The following NAV2 variants were observed in gnomAD, a reference collection of about 807,000 sequenced individuals.
The protein encoded by NAV2 is helicase, APC down-regulated 1.
In NAV2, 54 loss-of-function variants were observed where a neutral mutation model predicts 223.2. The ratio of observed to expected loss-of-function variants is 0.24; its 90% CI spans 0.19 to 0.30. The LOEUF is 0.30. NAV2 is among the 10% of genes least tolerant of loss of function. The probability of loss-of-function intolerance (pLI) is 1.00; values close to 1 mark genes in which losing one functional copy is unlikely to be tolerated. For missense variants in NAV2, 2,806 were observed against 3,147.5 expected (o/e 0.89, Z 2.60); for synonymous variants, 1,279 against 1,239.3 (o/e 1.03, Z -0.67).
At chr11:20,042,744 C>T (rs953060332) in intron 12 of NAV2, among the ~76,000 whole-genome samples, 19 of 152,058 alleles carry the variant, frequency 1.2e-4, no homozygotes, top group African/African-American at 3.4e-4. Context: ...TGCCTACTCT[C>T]GGTAGTTAAG....
chr11:20,071,804 G>A (rs1261640425), intron 22 of NAV2, among the ~76,000 whole-genome samples: 1 of 152,086 alleles, frequency 6.6e-6, no homozygotes, highest in Non-Finnish European at 1.5e-5. Context: ...TTGTAAATTT[G>A]TTTAAGTTCT....
intron 1 of NAV2, among the ~76,000 whole-genome samples, chr11:19,449,723 G>A (rs1462402666): frequency 6.6e-6 from 1 of 152,130 alleles, no homozygotes; most frequent in Non-Finnish European, 1.5e-5. Flanking sequence ...TGTGCCCCTT[G>A]AGGGCAGGGC....
In NAV2 at chr11:19,560,108, T is replaced by C. The variant is rs567715037; in HGVS notation, c.75+209081T>C. ...TTATGACTTTCTAATTAGCTTTTTG[T>C]TGAAGCTGTTTTTCATTGCTTTGCT... On this transcript the variant is annotated intron_variant, in intron 1 of 37. Coordinates refer to the NAV2 transcript ENST00000360655. Among the ~76,000 whole-genome samples, 3 of 152,352 alleles carry C rather than the reference T, an allele frequency of 2.0e-5. No individual in the cohort carries two copies. In the South Asian group the frequency reaches 6.2e-4, roughly 32 times the overall value.
intron 29 of NAV2, among the ~76,000 whole-genome samples, chr11:20,094,647 T>C (rs2061115599): frequency 6.6e-6 from 1 of 152,172 alleles, no homozygotes; most frequent in South Asian, 2.1e-4. Flanking sequence ...CCTTCAAAAG[T>C]TATATTATTC....
At chr11:19,994,893 A>G (rs552310183) in intron 11 of NAV2, among the ~76,000 whole-genome samples, 4 of 152,312 alleles carry the variant, frequency 2.6e-5, no homozygotes, top group African/African-American at 9.6e-5. Context: ...CATTTTGCCA[A>G]TGAGGAAATT....
chr11:19,413,484 A>C (rs1052065973), intron 1 of NAV2, among the ~76,000 whole-genome samples: 5 of 152,206 alleles, frequency 3.3e-5, no homozygotes, highest in Non-Finnish European at 5.9e-5. Context: ...GAATGAAACC[A>C]AGTTGGTAAA....
chr11:19,513,764 C>T lies in NAV2; in HGVS notation c.75+162737C>T, dbSNP rs188516107. Among the ~76,000 whole-genome samples the T allele has an allele frequency of 2.6e-5, 4 of 152,292 alleles. No homozygotes were observed. In the East Asian group the frequency reaches 7.7e-4, roughly 29 times the overall value. On this transcript the variant is annotated intron_variant, in intron 1 of 37. Transcript: ENST00000360655. ...AGTTAAAATGAGGTTATTGGAGTGG[C>T]GTGAGCCCTTAATCCAATATGACTG... is the stretch of plus-strand genomic sequence containing the variant.
At chr11:19,942,891 G>A (rs1039792106) in intron 8 of NAV2, among the ~76,000 whole-genome samples, 1 of 152,196 alleles carries the variant, frequency 6.6e-6, no homozygotes, top group Non-Finnish European at 1.5e-5. Flanking sequence ...GCTGAGGTGG[G>A]AGGATCTCCT....
intron 2 of NAV2, among the ~76,000 whole-genome samples, chr11:19,838,400 G>C (rs1249872821): frequency 6.6e-6 from 1 of 152,146 alleles, no homozygotes; most frequent in Non-Finnish European, 1.5e-5. Flanking sequence ...ATTAAAGTGA[G>C]ACAGGCAAAG....
chr11:19,598,816 T>A (rs1211595610), intron 1 of NAV2, among the ~76,000 whole-genome samples: 1 of 152,194 alleles, frequency 6.6e-6, no homozygotes, highest in East Asian at 1.9e-4. Flanking sequence ...AATGGGATGC[T>A]TCACAATGCA....
chr11:20,002,011 A>G (rs1235795225), intron 11 of NAV2, among the ~76,000 whole-genome samples: 3 of 152,300 alleles, frequency 2.0e-5, no homozygotes, highest in Admixed American at 6.5e-5. Flanking sequence ...CTGGAAGTCC[A>G]AGGTCAGGAT....
intron 1 of NAV2, among the ~76,000 whole-genome samples, chr11:19,495,434 A>G (rs1338962189): frequency 3.3e-5 from 5 of 152,194 alleles, no homozygotes; most frequent in African/African-American, 7.2e-5. Flanking sequence ...AGAGCCCTCA[A>G]TTAAGCCTGG....
At chr11:19,793,670 A>G (rs1410259785) in intron 1 of NAV2, among the ~76,000 whole-genome samples, 1 of 151,844 alleles carries the variant, frequency 6.6e-6, no homozygotes, top group African/African-American at 2.4e-5. Flanking sequence ...GAAAACTTAA[A>G]TCAGATTGTG....
At position 19,584,647 on chromosome 11, in the gene NAV2, G is replaced by C. The variant is rs551512022; in HGVS notation, c.75+233620G>C. 3.3e-5 allele frequency among the ~76,000 whole-genome samples: 5 copies of C among 152,068 alleles called. No homozygotes were observed. In the East Asian group the frequency reaches 9.6e-4, roughly 29 times the overall value. Reference sequence around the variant, plus strand: ...TCATTTCGTTATGTACCCAGTAGTCGTTCAGGAGCAGGTTGTTCAGTTTCC... The same window carrying C: ...TCATTTCGTTATGTACCCAGTAGTCCTTCAGGAGCAGGTTGTTCAGTTTCC... On this transcript the variant is annotated intron_variant, in intron 1 of 37. Transcript: ENST00000360655.
chr11:20,022,668 C>T lies in NAV2; in HGVS notation c.2769-13291C>T, dbSNP rs924593847. ...TAGCACTTAGGGCTGGAAAGACTTT[C>T]TGCAATGTTTCTGTGCAGTCTGTGA... On this transcript the variant is annotated intron_variant, in intron 11 of 37. Transcript: ENST00000349880. 2.8e-5 allele frequency: 28 copies of T among 995,004 alleles called. No homozygotes were observed. In the African/African-American group the frequency reaches 4.3e-4, roughly 15 times the overall value. The allele number at this position is 995,004 out of a possible 1,614,324, so 61.6% of individuals were successfully genotyped here.
Position 20,027,348 on chromosome 11 carries a change from A to G in NAV2, c.2769-8611A>G, listed in dbSNP as rs185803337. 153 of 985,460 alleles carry G rather than the reference A, an allele frequency of 1.6e-4. No homozygotes were observed. In the East Asian group the frequency reaches 9.0e-3, roughly 58 times the overall value. 61.0% of individuals were successfully genotyped at this position (985,460 alleles called of 1,614,324 possible). A position where few individuals can be genotyped will look rare whatever the true frequency, so the allele number is the denominator to read the frequency against. On this transcript the variant is annotated intron_variant, in intron 11 of 37. Transcript: ENST00000349880. Reference sequence around the variant, plus strand: ...CAATTGCCTTGAACAATAGCCAGAAAACGAGTTCCACCAGTCTGGACTTTT... The same window carrying G: ...CAATTGCCTTGAACAATAGCCAGAAGACGAGTTCCACCAGTCTGGACTTTT...
At position 19,933,603 on chromosome 11, in the gene NAV2, C is replaced by T. The variant is rs2045587788; in HGVS notation, c.1359C>T (p.Gly453=). 1.2e-6 allele frequency: 2 copies of T among 1,613,920 alleles called. No homozygotes were observed. Among genetic ancestry groups the T allele is most frequent in the Non-Finnish European group, 1.7e-6 (2 of 1,179,830 alleles). Residue 453 remains glycine, a synonymous_variant, in exon 7 of 38, where the codon GGC becomes GGT. Transcript: ENST00000349880. The surrounding 1 kb of genome is among the most constrained non-coding windows in gnomAD (Gnocchi z 4.3). ...CCAGTCGCATGCTCACCACCGTGGG[C>T]CCTGCTTCCAGCAGCCCCAAGATTG... is the stretch of plus-strand genomic sequence containing the variant. ...EAASRMLTTV[G]PASSSPKIAL...
At chr11:19,494,167 G>A (rs1352112507) in intron 1 of NAV2, among the ~76,000 whole-genome samples, 3 of 152,218 alleles carry the variant, frequency 2.0e-5, no homozygotes, top group Non-Finnish European at 4.4e-5. Context: ...AGAAGACAAG[G>A]CAGCTGAAAG....
intron 1 of NAV2, among the ~76,000 whole-genome samples, chr11:19,394,783 C>T (rs1849384754): frequency 6.6e-6 from 1 of 152,108 alleles, no homozygotes; most frequent in African/African-American, 2.4e-5. Context: ...GGAGTGGTGG[C>T]ATGAGGGCCT....
Sources: gnomAD v4.1 joint callset for allele counts (sites outside exome capture counted in the v4.1 genomes callset) on GRCh38, gnomAD v4.1.1 for gene constraint, Gnocchi (gnomAD v3.1) non-coding constraint, MANE v1.5 for transcripts, NCBI Gene and HGNC (gene_info 2026-07-23, HGNC 2026-07-21) for gene names.